The following ROBO2 variants were observed in gnomAD, a reference collection of about 807,000 sequenced individuals.
ROBO2 encodes roundabout homolog 2.
Under a neutral mutation model 160.8 loss-of-function variants are expected in ROBO2, and 53 were observed. The observed-to-expected ratio is 0.33, with a 90% CI of 0.26 to 0.41. ROBO2 has a LOEUF of 0.41. Among genes scored for constraint, ROBO2 ranks in the 10% least tolerant of loss-of-function variants. The pLI is 1.00. For synonymous variants in ROBO2, 664 were observed against 611.7 expected, an observed-to-expected ratio of 1.09 and a Z score of -1.26; for missense variants, 1,577 against 1,722.4, an observed-to-expected ratio of 0.92 and a Z score of 1.49.
intron 11 of ROBO2, 70 bp from the exon 13 acceptor site, chr3:77,564,884 A>G (rs1422448880): frequency 7.0e-7 from 1 of 1,427,864 alleles, no homozygotes; most frequent in Non-Finnish European, 9.7e-7. Context: ...AACCTTTGTC[A>G]TTGATACCCA....
intron 2 of ROBO2, among the ~76,000 whole-genome samples, chr3:76,985,448 G>A (rs1485036380): frequency 6.6e-6 from 1 of 151,350 alleles, no homozygotes; most frequent in African/African-American, 2.4e-5. Context: ...CGGGCGTGGT[G>A]GCAGGTGCCT....
chr3:76,418,220 C>T (rs1289650814), intron 2 of ROBO2, among the ~76,000 whole-genome samples: 4 of 149,338 alleles, frequency 2.7e-5, no homozygotes, highest in African/African-American at 1.0e-4. Context: ...ATATAACTGT[C>T]GCCAAACAAA....
chr3:77,271,573 T>C (rs1372402030), intron 2 of ROBO2, among the ~76,000 whole-genome samples: 1 of 152,206 alleles, frequency 6.6e-6, no homozygotes, highest in Non-Finnish European at 1.5e-5. Flanking sequence ...AGTCTGCTAT[T>C]CTTAGCTATT....
chr3:75,973,410 A>G (rs989161004), intron 2 of ROBO2, among the ~76,000 whole-genome samples: 1 of 151,666 alleles, frequency 6.6e-6, no homozygotes, highest in Non-Finnish European at 1.5e-5. Flanking sequence ...TGACACAATA[A>G]TATGGTTAAA....
chr3:76,607,551 A>G (rs1408632545), intron 2 of ROBO2, among the ~76,000 whole-genome samples: 1 of 152,234 alleles, frequency 6.6e-6, no homozygotes, highest in Non-Finnish European at 1.5e-5. Flanking sequence ...AAATTGAAAT[A>G]TACTTTCATA....
intron 2 of ROBO2, among the ~76,000 whole-genome samples, chr3:76,087,627 TTTG>T (rs895869305): frequency 2.6e-5 from 4 of 152,064 alleles, no homozygotes; most frequent in African/African-American, 9.7e-5. Context: ...ATCTTTTATT[TTTG>T]TTATTTTAAT....
intron 2 of ROBO2, among the ~76,000 whole-genome samples, chr3:76,772,515 T>A (rs1221934032): frequency 9.0e-6 from 1 of 111,152 alleles, no homozygotes; most frequent in Non-Finnish European, 1.8e-5. Context: ...CTTGGGTTTT[T>A]TCTTTTTTTT....
chr3:77,112,193 CAA>C (rs373201643), intron 2 of ROBO2, among the ~76,000 whole-genome samples: 1,566 of 68,460 alleles, frequency 0.023, 12 homozygotes, highest in African/African-American at 0.086. Context: ...AGACTCGTCT[CAA>C]AAAAAAAAAA....
At chr3:77,484,717 T>C (rs2085140094) in intron 4 of ROBO2, among the ~76,000 whole-genome samples, 1 of 152,054 alleles carries the variant, frequency 6.6e-6, no homozygotes, top group Non-Finnish European at 1.5e-5. Flanking sequence ...CCCCACCTTC[T>C]CACCTCCACT....
intron 2 of ROBO2, among the ~76,000 whole-genome samples, chr3:76,476,053 C>T (rs369318584): frequency 6.6e-6 from 1 of 151,930 alleles, no homozygotes; most frequent in Non-Finnish European, 1.5e-5. Flanking sequence ...CTTGGGAGGC[C>T]GAGGCAGGAG....
chr3:77,539,973 G>T (rs1480108765), intron 6 of ROBO2, among the ~76,000 whole-genome samples: 2 of 152,330 alleles, frequency 1.3e-5, no homozygotes, highest in South Asian at 4.1e-4. Context: ...CTGCTGAAAT[G>T]CTGGAGCTAG....
At chr3:76,579,062 G>T (rs1298570282) in intron 2 of ROBO2, among the ~76,000 whole-genome samples, 2 of 151,928 alleles carry the variant, frequency 1.3e-5, no homozygotes, top group Non-Finnish European at 2.9e-5. Context: ...ACCTTACTTC[G>T]ATCATTTTGG....
rs189069589 is a variant in ROBO2, at chr3:76,622,051, T to C, written c.110-475963T>C. 5.9e-3 allele frequency among the ~76,000 whole-genome samples: 868 copies of C among 146,766 alleles called. 32 individuals are homozygous for C. Among genetic ancestry groups the C allele is most frequent in the Admixed American group, 0.055 (788 of 14,360 alleles). On this transcript the variant is annotated intron_variant, in intron 2 of 26. Coordinates refer to the ROBO2 transcript ENST00000487694. ...ACCCTATACTGACCTTGTATCCTTC[T>C]TTGTGAATAAGATCTATTCTTGTGG...
At chr3:76,108,854 G>T (rs2070076930) in intron 2 of ROBO2, among the ~76,000 whole-genome samples, 1 of 150,992 alleles carries the variant, frequency 6.6e-6, no homozygotes. Flanking sequence ...GTTACATACA[G>T]ATATCTATTT....
chr3:76,902,124 T>C (rs966802838), intron 2 of ROBO2, among the ~76,000 whole-genome samples: 20 of 152,112 alleles, frequency 1.3e-4, no homozygotes, highest in East Asian at 5.8e-4. Context: ...AATTCATTCT[T>C]ATTTAAAAGC....
chr3:76,330,961 G>A (rs1216459644), intron 2 of ROBO2, among the ~76,000 whole-genome samples: 1 of 152,112 alleles, frequency 6.6e-6, no homozygotes, highest in African/African-American at 2.4e-5. Flanking sequence ...TGCTAAATGT[G>A]CTCTATCTAA....
At chr3:76,621,684 C>G (rs1275968630) in intron 2 of ROBO2, among the ~76,000 whole-genome samples, 1 of 152,092 alleles carries the variant, frequency 6.6e-6, no homozygotes, top group East Asian at 1.9e-4. Flanking sequence ...ATTTGTTAAC[C>G]ACTTAGAAAA....
intron 2 of ROBO2, among the ~76,000 whole-genome samples, chr3:76,493,364 T>TATATATATATATATATATATAA (rs1491215318): frequency 2.8e-4 from 38 of 136,742 alleles, no homozygotes; most frequent in African/African-American, 8.6e-4. Context: ...TATATATATA[T>TATATATATATATATATATATAA]AATTGTATAT....
intron 1 of ROBO2, among the ~76,000 whole-genome samples, chr3:77,095,629 A>G (rs1241556250): frequency 6.6e-6 from 1 of 152,192 alleles, no homozygotes; most frequent in Non-Finnish European, 1.5e-5. Context: ...TATGCCTGTT[A>G]CATGAAAAGT....
Sources: gnomAD v4.1 joint callset for allele counts (sites outside exome capture counted in the v4.1 genomes callset) on GRCh38, gnomAD v4.1.1 for gene constraint, MANE v1.5 for transcripts, NCBI Gene and HGNC (gene_info 2026-07-23, HGNC 2026-07-21) for gene names.